LRRC9: variants seen among roughly 807,000 people sequenced by gnomAD.
LRRC9 encodes the protein leucine rich repeat containing 9.
Under a neutral mutation model 63.2 loss-of-function variants are expected in LRRC9, and 122 were observed. That is an observed-to-expected ratio of 1.93 (90% CI 1.67 to 2.24). The LOEUF is 2.24. Ranked by LOEUF, LRRC9 falls within the 30% of genes most tolerant of loss-of-function variation. The pLI is 0.00. For missense variants in LRRC9, 1,071 were observed against 627.7 expected (o/e 1.71, Z -7.55); for synonymous variants, 366 against 213.1 (o/e 1.72, Z -6.25).
chr14:59,943,299 G>GTC (rs1461673406), intron 7 of LRRC9, among the ~76,000 whole-genome samples: 2 of 151,998 alleles, frequency 1.3e-5, no homozygotes, highest in East Asian at 3.9e-4. Context: ...TTACATTTAA[G>GTC]TCCATTTTTT....
At chr14:60,059,638 A>T (rs66983) in intron 31 of LRRC9, among the ~76,000 whole-genome samples, 56,866 of 152,144 alleles carry the variant, frequency 0.37, 12,858 homozygotes, top group Non-Finnish European at 0.49. Flanking sequence ...CAGCCACAAC[A>T]TTCCCTTAAG....
chr14:60,004,382 A>C lies in LRRC9; in HGVS notation c.2842+584A>C, dbSNP rs567996615. ...AAGAAATGAAAATTATACTCACTAG[A>C]GGTTGAAAATAAAATATACTATATG... On this transcript the variant is annotated intron_variant, in intron 21 of 31. Coordinates refer to ENST00000445360, the Ensembl canonical transcript of LRRC9. This position sits in a 1 kb window ranked among gnomAD's most constrained non-coding sequence, Gnocchi z 4.8. Among the ~76,000 whole-genome samples the C allele has an allele frequency of 6.6e-6, 1 of 152,154 alleles. No homozygotes were observed. The highest frequency in any genetic ancestry group is 2.1e-4 in the South Asian group (1 of 4,836).
exon 22 of LRRC9, chr14:60,006,563 G>A (rs1308196069): frequency 1.4e-6 from 1 of 701,442 alleles, no homozygotes; most frequent in Middle Eastern, 2.3e-4. Flanking sequence ...CTCTTGTTGA[G>A]TTATACATAA....
intron 31 of LRRC9, 48 bp from the exon 32 acceptor site, chr14:60,061,963 C>A: frequency 5.0e-6 from 2 of 398,282 alleles, no homozygotes; most frequent in South Asian, 2.6e-4. Flanking sequence ...TAATGTTTCT[C>A]ATTGTTTCAT....
intron 8 of LRRC9, among the ~76,000 whole-genome samples, chr14:59,951,482 C>T (rs1430494180): frequency 4.3e-5 from 6 of 138,042 alleles, no homozygotes; most frequent in Non-Finnish European, 9.4e-5. Context: ...TCGTCTGAAG[C>T]CTTCTTCTCT....
At chr14:60,065,771 G>C (rs545369238), downstream of LRRC9, among the ~76,000 whole-genome samples, 1 of 147,136 alleles carries the variant, frequency 6.8e-6, no homozygotes, top group African/African-American at 2.5e-5. Context: ...CAAATGTCTT[G>C]ATTTATTTTG....
intron 8 of LRRC9, among the ~76,000 whole-genome samples, chr14:59,953,569 C>A (rs1037206302): frequency 6.6e-6 from 1 of 152,182 alleles, no homozygotes; most frequent in Non-Finnish European, 1.5e-5. Context: ...AGACCTCTGT[C>A]AGATGGGTAT....
intron 12 of LRRC9, among the ~76,000 whole-genome samples, chr14:59,969,832 C>T (rs565076391): frequency 2.6e-5 from 4 of 152,290 alleles, no homozygotes; most frequent in African/African-American, 7.2e-5. Context: ...AAGAGTATCA[C>T]GTATTCACTT....
chr14:59,938,465 GT>G lies in LRRC9; in HGVS notation c.622del (p.Cys208ValfsTer39). ...TGACCCTCAATATACAACCAATCCA[GT>G]TTGTCTTCTGTGTAATTATTCCACA... On this transcript the variant is annotated frameshift_variant, in exon 7 of 32. Coordinates refer to ENST00000445360, the Ensembl canonical transcript of LRRC9. LOFTEE classifies it high-confidence loss of function. This position sits in a 1 kb window ranked among gnomAD's most constrained non-coding sequence, Gnocchi z 4.2. 1.4e-6 allele frequency: 1 copy of G among 697,538 alleles called. No individual in the cohort carries two copies. The highest frequency in any genetic ancestry group is 1.8e-5 in the African/African-American group (1 of 56,740). The allele number at this position is 697,538 out of a possible 1,614,324, so 43.2% of individuals were successfully genotyped here. A position where few individuals can be genotyped will look rare whatever the true frequency, so the allele number is the denominator to read the frequency against.
In LRRC9 at chr14:59,986,447, T is replaced by C. The variant is rs1887483123; in HGVS notation, c.2211+1223T>C. ...TACTTATTGGCATTAGGTTTAGATT[T>C]AGTGTTAAACTCACTTCCTTTTTCT... On this transcript the variant is annotated intron_variant, in intron 17 of 31. Coordinates refer to ENST00000445360, the Ensembl canonical transcript of LRRC9. This position sits in a 1 kb window ranked among gnomAD's most constrained non-coding sequence, Gnocchi z 4.7. 6.6e-6 allele frequency among the ~76,000 whole-genome samples: 1 copy of C among 152,222 alleles called. No homozygotes were observed. The highest frequency in any genetic ancestry group is 2.4e-5 in the African/African-American group (1 of 41,464).
chr14:60,053,730 A>G lies in LRRC9; in HGVS notation c.4131+525A>G. 6.1e-6 allele frequency: 2 copies of G among 328,042 alleles called. No homozygotes were observed. The highest frequency in any genetic ancestry group is 1.7e-4 in the East Asian group (2 of 12,116). 20.3% of individuals were successfully genotyped at this position (328,042 alleles called of 1,614,324 possible). On this transcript the variant is annotated intron_variant, in intron 30 of 31. Transcript: ENST00000445360. This position sits in a 1 kb window ranked among gnomAD's most constrained non-coding sequence, Gnocchi z 4.8. ...TTTTTACTCAGGAGCCCTAAAATGT[A>G]TCTGATCATGGTAGGAAAGAGATTA...
chr14:59,978,243 G>A (rs1047098343), intron 15 of LRRC9, 111 bp downstream of exon 15: 4 of 527,106 alleles, frequency 7.6e-6, no homozygotes, highest in African/African-American at 5.8e-5. Flanking sequence ...GTGCATGTGT[G>A]TATAATTGTT....
At chr14:59,946,511 T>C (rs1882421236) in intron 8 of LRRC9, among the ~76,000 whole-genome samples, 1 of 151,448 alleles carries the variant, frequency 6.6e-6, no homozygotes, top group Admixed American at 6.6e-5. Context: ...TGTCTTTTTT[T>C]TTTTTAAATT....
Position 60,053,514 on chromosome 14 carries a change from T to C in LRRC9, c.4131+309T>C, listed in dbSNP as rs1423018971. Among the ~76,000 whole-genome samples the C allele has an allele frequency of 6.6e-6, 1 of 152,184 alleles. No individual in the cohort carries two copies. Among genetic ancestry groups the C allele is most frequent in the Non-Finnish European group, 1.5e-5 (1 of 68,034 alleles). On this transcript the variant is annotated intron_variant, in intron 30 of 31. Coordinates refer to ENST00000445360, the Ensembl canonical transcript of LRRC9. The surrounding 1 kb of genome is among the most constrained non-coding windows in gnomAD (Gnocchi z 4.8). The stretch of plus-strand genomic sequence containing the variant: ...ATTTAATATTTGTATGCTCAATATG[T>C]CAGATGATGCTAGAACATAGGAAAC...
At chr14:60,008,070 A>G (rs2140235235) in intron 22 of LRRC9, 22 bp from the exon 23 acceptor site, 1 of 660,286 alleles carries the variant, frequency 1.5e-6, no homozygotes, top group African/African-American at 1.8e-5. Context: ...ATATAGATGA[A>G]TATATGTATT....
chr14:60,025,246 A>G (rs1891448966), intron 27 of LRRC9, among the ~76,000 whole-genome samples: 1 of 151,508 alleles, frequency 6.6e-6, no homozygotes, highest in African/African-American at 2.4e-5. Flanking sequence ...TTGTGCCACC[A>G]TGCCTGGCTA....
At chr14:59,994,286 A>G (rs993401962) in intron 17 of LRRC9, among the ~76,000 whole-genome samples, 5 of 152,228 alleles carry the variant, frequency 3.3e-5, no homozygotes, top group Non-Finnish European at 5.9e-5. Flanking sequence ...GCCATCAGAG[A>G]AATGCAAATC....
At chr14:60,024,949 G>A (rs950409135) in intron 27 of LRRC9, among the ~76,000 whole-genome samples, 3 of 151,898 alleles carry the variant, frequency 2.0e-5, no homozygotes, top group African/African-American at 7.2e-5. Context: ...TTAGCTCACT[G>A]AGGATAATGG....
At chr14:59,924,818 C>A (rs953608513) in intron 1 of LRRC9, among the ~76,000 whole-genome samples, 1 of 152,032 alleles carries the variant, frequency 6.6e-6, no homozygotes, top group Non-Finnish European at 1.5e-5. Flanking sequence ...TTATTTATTT[C>A]TCTCAGTGTA....
Sources: gnomAD v4.1 joint callset for allele counts (sites outside exome capture counted in the v4.1 genomes callset) on GRCh38, gnomAD v4.1.1 for gene constraint, Gnocchi (gnomAD v3.1) non-coding constraint, MANE v1.5 for transcripts, NCBI Gene and HGNC (gene_info 2026-07-23, HGNC 2026-07-21) for gene names.